Variants in GNB1 observed in about 807,000 individuals in gnomAD.
GNB1 encodes guanine nucleotide-binding protein G(I)/G(S)/G(T) subunit beta-1.
Under a neutral mutation model 42.9 loss-of-function variants are expected in GNB1, and 2 were observed. The ratio of observed to expected loss-of-function variants is 0.05; its 90% CI spans 0.02 to 0.15. The LOEUF (loss-of-function observed/expected upper bound fraction) is 0.15, where lower values mean the gene tolerates loss of function less well. GNB1 is among the 10% of genes least tolerant of loss of function. The pLI, the probability that GNB1 is intolerant of heterozygous loss-of-function variation, is 1.00. For synonymous variants in GNB1, 183 were observed against 174.7 expected (o/e 1.05, Z -0.38); for missense variants, 193 against 462.2 (o/e 0.42, Z 5.34).
At chr1:1,792,628 G>A (rs1407046380) in intron 8 of GNB1, among the ~76,000 whole-genome samples, 1 of 148,110 alleles carries the variant, frequency 6.8e-6, no homozygotes, top group Non-Finnish European at 1.5e-5. Flanking sequence ...AATCTGGGAG[G>A]CAGAGGTTGC....
intron 1 of GNB1, among the ~76,000 whole-genome samples, chr1:1,857,209 G>A (rs192350699): frequency 6.6e-6 from 1 of 152,248 alleles, no homozygotes; most frequent in East Asian, 1.9e-4. Context: ...TCACTGGGAA[G>A]TGGGGAGAGG....
intron 1 of GNB1, among the ~76,000 whole-genome samples, chr1:1,843,917 C>A (rs530614939): frequency 6.6e-6 from 1 of 151,564 alleles, no homozygotes; most frequent in Non-Finnish European, 1.5e-5. Flanking sequence ...AATTACTGGC[C>A]GGGTGCGGTG....
chr1:1,851,876 T>G (rs1024131660), intron 1 of GNB1, among the ~76,000 whole-genome samples: 6 of 151,500 alleles, frequency 4.0e-5, no homozygotes, highest in African/African-American at 1.5e-4. Context: ...AAACCCCATG[T>G]CTACTAAAAA....
intron 7 of GNB1, among the ~76,000 whole-genome samples, chr1:1,800,681 T>C (rs1026114431): frequency 6.9e-6 from 1 of 144,870 alleles, no homozygotes; most frequent in Non-Finnish European, 1.5e-5. Flanking sequence ...GATGCCAAAG[T>C]GCAATAAATG....
intron 1 of GNB1, among the ~76,000 whole-genome samples, chr1:1,840,613 G>A (rs374054076): frequency 1.3e-5 from 2 of 152,362 alleles, no homozygotes; most frequent in East Asian, 3.9e-4. Flanking sequence ...GACTTTGCCT[G>A]TTTGGCATGA....
intron 2 of GNB1, among the ~76,000 whole-genome samples, chr1:1,833,086 G>A (rs563209406): frequency 6.6e-6 from 1 of 152,174 alleles, no homozygotes; most frequent in South Asian, 2.1e-4. Context: ...TGAGTCACCT[G>A]GTCACCAGCT....
chr1:1,883,301 GA>G (rs921852416), intron 1 of GNB1, among the ~76,000 whole-genome samples: 77 of 143,030 alleles, frequency 5.4e-4, no homozygotes, highest in African/African-American at 1.8e-3. Flanking sequence ...AAAAGAAAAA[GA>G]AAAAAAAACC....
chr1:1,811,658 T>C (rs533235083), intron 5 of GNB1, among the ~76,000 whole-genome samples: 41 of 151,042 alleles, frequency 2.7e-4, no homozygotes, highest in Non-Finnish European at 5.0e-4. Flanking sequence ...ACAGCACCAT[T>C]GCACTCTAGC....
At chr1:1,821,577 AT>A (rs2100943118) in intron 3 of GNB1, among the ~76,000 whole-genome samples, 1 of 152,260 alleles carries the variant, frequency 6.6e-6, no homozygotes, top group East Asian at 1.9e-4. Context: ...TTCCTTTCCC[AT>A]TTGGGGTAAA....
rs539799500 is a variant in GNB1, at chr1:1,814,790, C to T, written c.203+966G>A. 3.1e-5 allele frequency among the ~76,000 whole-genome samples: 4 copies of T among 127,654 alleles called. No homozygotes were observed. The South Asian group carries it at 7.9e-4, about 25-fold the overall frequency. 83.7% of individuals were successfully genotyped at this position (127,654 alleles called of 152,430 possible). ...GCACTCCAGCATGACTGAGTGAGAC[C>T]CTGTCTCAAAAAAAAAAAAAAAAAA... On this transcript the variant is annotated intron_variant, in intron 5 of 11. Transcript: ENST00000378609.
At position 1,788,800 on chromosome 1, in the gene GNB1, C is replaced by T. The variant is rs1399997371; in HGVS notation, c.916+253G>A. The T allele has an allele frequency of 8.7e-6, 4 of 461,396 alleles. No individual in the cohort carries two copies. In the East Asian group the frequency reaches 1.5e-4, roughly 18 times the overall value. The allele number at this position is 461,396 out of a possible 1,614,324, so 28.6% of individuals were successfully genotyped here. A position where few individuals can be genotyped will look rare whatever the true frequency, so the allele number is the denominator to read the frequency against. On this transcript the variant is annotated intron_variant, in intron 10 of 11. Coordinates refer to ENST00000378609, the MANE Select transcript of GNB1 (RefSeq NM_002074.5). ...GGGCTGGGCCCTGGAGCCTGCACAGCTGACCCTCTCCTGCCCACTGACTCT... is the reference window on the plus strand; with the variant it reads ...GGGCTGGGCCCTGGAGCCTGCACAGTTGACCCTCTCCTGCCCACTGACTCT...
At chr1:1,793,000 A>G (rs898637183) in intron 8 of GNB1, among the ~76,000 whole-genome samples, 1 of 151,928 alleles carries the variant, frequency 6.6e-6, no homozygotes, top group African/African-American at 2.4e-5. Context: ...CGGCAGGCAG[A>G]TGTCGCAGAG....
chr1:1,817,664 G>GC (rs1296747350), intron 4 of GNB1, 173 bp downstream of exon 4: 4 of 530,810 alleles, frequency 7.5e-6, no homozygotes, highest in Non-Finnish European at 1.0e-5. Flanking sequence ...ATCTCAATAA[G>GC]CCCCTCTATT....
chr1:1,883,300 AG>A (rs1160774395), intron 1 of GNB1, among the ~76,000 whole-genome samples: 6 of 151,798 alleles, frequency 4.0e-5, no homozygotes, highest in Non-Finnish European at 7.4e-5. Flanking sequence ...AAAAAGAAAA[AG>A]AAAAAAAAAC....
intron 1 of GNB1, among the ~76,000 whole-genome samples, chr1:1,847,313 G>C (rs996912843): frequency 7.3e-6 from 1 of 136,068 alleles, no homozygotes; most frequent in Non-Finnish European, 1.8e-5. Context: ...CCCTTTTTCT[G>C]GACTGGTTCC....
At chr1:1,855,706 A>C (rs1403872319) in intron 1 of GNB1, among the ~76,000 whole-genome samples, 1 of 152,206 alleles carries the variant, frequency 6.6e-6, no homozygotes, top group Admixed American at 6.5e-5. Flanking sequence ...TCCGTCTCAA[A>C]AAAAAAACAA....
rs1377450884 is a variant in GNB1, at chr1:1,785,297, A to C, written c.*1766T>G. 6.6e-6 allele frequency: 1 copy of C among 152,670 alleles called. No homozygotes were observed. The highest frequency in any genetic ancestry group is 1.5e-5 in the Non-Finnish European group (1 of 68,050). 9.5% of individuals were successfully genotyped at this position (152,670 alleles called of 1,614,324 possible). On this transcript the variant is annotated 3_prime_UTR_variant, in exon 12 of 12. Transcript: ENST00000378609. The stretch of plus-strand genomic sequence containing the variant: ...TCACCACACCAAAGTCCCTCATGTC[A>C]AACTGCTTTATTACATCTTAAATAA...
chr1:1,866,692 C>T (rs1300944942), intron 1 of GNB1, among the ~76,000 whole-genome samples: 3 of 151,854 alleles, frequency 2.0e-5, no homozygotes, highest in Non-Finnish European at 1.5e-5. Flanking sequence ...CGGTGGCTCA[C>T]GCCTGTAATC....
intron 3 of GNB1, 162 bp downstream of exon 3, chr1:1,825,235 G>T: frequency 1.6e-6 from 1 of 636,496 alleles, no homozygotes; most frequent in Non-Finnish European, 2.8e-6. Flanking sequence ...AATGTACTAG[G>T]CTAAGTATCT....
Sources: allele counts gnomAD v4.1 joint callset (sites outside exome capture counted in the v4.1 genomes callset), GRCh38; gene constraint gnomAD v4.1.1; transcripts MANE v1.5; gene names NCBI Gene and HGNC (gene_info 2026-07-23, HGNC 2026-07-21).